Variants in LIG4 observed in about 807,000 individuals in gnomAD.
LIG4 encodes the protein DNA ligase 4.
In LIG4, 13 loss-of-function variants were observed where a neutral mutation model predicts 19.0. The observed-to-expected ratio is 0.68, with a 90% CI of 0.44 to 1.09. The LOEUF is 1.09. LIG4 is among the 50% of genes least tolerant of loss of function. The probability of loss-of-function intolerance (pLI) is 0.00; values close to 1 mark genes in which losing one functional copy is unlikely to be tolerated. For synonymous variants in LIG4, 361 were observed against 358.2 expected (o/e 1.01, Z -0.09); for missense variants, 1,026 against 1,089.7 (o/e 0.94, Z 0.82).
chr13:108,208,579 G>A lies in LIG4; in HGVS notation c.2690C>T (p.Ser897Leu), dbSNP rs750080610. The change falls in exon 3 of 3, where the codon TCA becomes TTA. Residue 897 changes from serine to leucine, a missense_variant. Ser to Leu is a moderately radical substitution (Grantham distance 145). Transcript: ENST00000442234. ...TTCTTGTAATTCACACTTGTCTATT[G>A]AATCAGTTACCCAACTTTCTTTTAG... Reference protein sequence around the residue: ...KILKESWVTDSIDKCELQEEN... With the variant: ...KILKESWVTDLIDKCELQEEN... 1 of 1,612,754 alleles carries A rather than the reference G, an allele frequency of 6.2e-7. No individual in the cohort carries two copies. The highest frequency in any genetic ancestry group is 8.5e-7 in the Non-Finnish European group (1 of 1,179,078).
Position 108,208,697 on chromosome 13 carries a change from C to T in LIG4, c.2572G>A (p.Glu858Lys). Reference protein sequence around the residue: ...HGAKVVSCLAEGVSHVIIGED... With the variant: ...HGAKVVSCLAKGVSHVIIGED... ...CCAATTATTACATGAGACACTCCCT[C>T]AGCTAAACAAGAAACTACTTTTGCT... Residue 858 changes from glutamate to lysine, a missense_variant, in exon 3 of 3, where the codon GAG becomes AAG. Around this residue, in one of 3 missense-constraint regions of LIG4, gnomAD observed 521 missense variants for 515.5 expected, o/e 1.01. Coordinates refer to ENST00000442234, the MANE Select transcript of LIG4 (RefSeq NM_206937.2). 1 of 1,614,182 alleles carries T rather than the reference C, an allele frequency of 6.2e-7. No individual in the cohort carries two copies. The highest frequency in any genetic ancestry group is 8.5e-7 in the Non-Finnish European group (1 of 1,180,020).
chr13:108,210,750 T>C lies in LIG4; in HGVS notation c.519A>G (p.Gln173=), dbSNP rs1878565464. 4 of 1,613,964 alleles carry C rather than the reference T, an allele frequency of 2.5e-6. No homozygotes were observed. The highest frequency in any genetic ancestry group is 3.4e-6 in the Non-Finnish European group (4 of 1,179,986). The change falls in exon 3 of 3, where the codon CAA becomes CAG. Residue 173 remains glutamine, a synonymous_variant. Transcript: ENST00000442234. ...RKDLIKKSLL[Q]LITQSSALEQ... is the part of the protein sequence containing the mutation. ...CAAGTGCTGAACTCTGAGTTATAAGTTGAAGAAGGCTCTTTTTTATTAGGT... is the reference window on the plus strand; with the variant it reads ...CAAGTGCTGAACTCTGAGTTATAAGCTGAAGAAGGCTCTTTTTTATTAGGT...
Position 108,208,507 on chromosome 13 carries a change from G to T in LIG4, c.*26C>A. On this transcript the variant is annotated 3_prime_UTR_variant, in exon 3 of 3. Coordinates refer to ENST00000442234, the MANE Select transcript of LIG4 (RefSeq NM_206937.2). ...GCTGCAATGAGTCTGCCAGATCAGA[G>T]GCTTTCCTCACTAGGAAACCTAGCT... 1 of 1,448,976 alleles carries T rather than the reference G, an allele frequency of 6.9e-7. No individual in the cohort carries two copies. Among genetic ancestry groups the T allele is most frequent in the Non-Finnish European group, 9.7e-7 (1 of 1,032,530 alleles). 89.8% of individuals were successfully genotyped at this position (1,448,976 alleles called of 1,614,324 possible).
chr13:108,209,926 A>C lies in LIG4; in HGVS notation c.1343T>G (p.Leu448Ter). Residue 448 changes from leucine (L) to a stop codon, truncating the protein, a stop_gained, in exon 3 of 3, where the codon TTA becomes TGA. Coordinates refer to ENST00000442234, the MANE Select transcript of LIG4 (RefSeq NM_206937.2). LOFTEE classifies it low-confidence loss of function (END_TRUNC). ...YKPDKRGEGW[L>*]KIKPEYVSGL... ...ACTGACATACTCTGGTTTAATTTTT[A>C]ACCACCCTTCACCTCTTTTGTCTGG... 1.9e-6 allele frequency: 3 copies of C among 1,614,114 alleles called. No individual in the cohort carries two copies. The highest frequency in any genetic ancestry group is 2.5e-6 in the Non-Finnish European group (3 of 1,180,016).
chr13:108,209,767 T>C lies in LIG4; in HGVS notation c.1502A>G (p.His501Arg), dbSNP rs370368065. 5 of 1,614,000 alleles carry C rather than the reference T, an allele frequency of 3.1e-6. No individual in the cohort carries two copies. Among genetic ancestry groups the C allele is most frequent in the Non-Finnish European group, 4.2e-6 (5 of 1,180,028 alleles). Residue 501 changes from histidine (H) to arginine (R), a missense_variant, in exon 3 of 3, where the codon CAT (histidine) becomes CGT (arginine). Transcript: ENST00000442234. ...PPPGEKPSVF[H>R]TLSRVGSGCT... ...GCCAGACCCAACACGAGAGAGAGTATGAAACACAGATGGCTTCTCACCAGG... is the reference window on the plus strand; with the variant it reads ...GCCAGACCCAACACGAGAGAGAGTACGAAACACAGATGGCTTCTCACCAGG...
chr13:108,214,495 C>G (rs769931997), intron 2 of LIG4, 43 bp downstream of exon 2: 5 of 152,134 alleles, frequency 3.3e-5, no homozygotes, highest in Non-Finnish European at 7.3e-5. Flanking sequence ...TCTGCCCGTT[C>G]CCCCTACTCT....
chr13:108,215,448 CAACCG>C (rs1879209695), intron 1 of LIG4, 31 bp downstream of exon 1: 1 of 55,120 alleles, frequency 1.8e-5, no homozygotes, highest in Admixed American at 1.6e-4. Flanking sequence ...CCCAACCTCC[CAACCG>C]CCCCCACCTG....
At position 108,209,680 on chromosome 13, in the gene LIG4, T is replaced by G. The variant is rs766018641; in HGVS notation, c.1589A>C (p.His530Pro). The change falls in exon 3 of 3, where the codon CAT (histidine) becomes CCT (proline). Residue 530 changes from histidine (H) to proline (P), a missense_variant. This residue lies in a region of LIG4 where 521 missense variants were observed against 515.5 expected (regional missense o/e 1.01). Transcript: ENST00000442234. ...AATGCTGCTTGGTGGAGCTTTTCTA[T>G]GAAAAGGCTTCCAATACTTGGCCAA... ...LKLAKYWKPF[H>P]RKAPPSSILC... is the part of the protein sequence containing the mutation. 2 of 1,614,058 alleles carry G rather than the reference T, an allele frequency of 1.2e-6. No homozygotes were observed. The highest frequency in any genetic ancestry group is 1.1e-5 in the South Asian group (1 of 91,088).
chr13:108,218,217 C>T (rs2139004417), upstream of LIG4: 1 of 152,420 alleles, frequency 6.6e-6, no homozygotes, highest in Non-Finnish European at 1.5e-5. Flanking sequence ...GGCACCTCTT[C>T]ACCACGGAGG....
At position 108,209,002 on chromosome 13, in the gene LIG4, C is replaced by T. The variant is rs147410837; in HGVS notation, c.2267G>A (p.Arg756His). ...ACTATCACCATAGCAATCATATTCA[C>T]GGGCAAAATGTTCTTTGGTTGATGG... is the stretch of plus-strand genomic sequence containing the variant. ...MCPSTKEHFAREYDCYGDSYF... is the reference protein window; with the variant it reads ...MCPSTKEHFAHEYDCYGDSYF... The change falls in exon 3 of 3, where the codon CGT becomes CAT. Residue 756 changes from arginine to histidine, a missense_variant. Physicochemically the swap from Arg to His is conservative, Grantham distance 29 (BLOSUM62 0). This residue lies in a region of LIG4 where 521 missense variants were observed against 515.5 expected (regional missense o/e 1.01). Coordinates refer to ENST00000442234, the MANE Select transcript of LIG4 (RefSeq NM_206937.2). 39 of 1,613,978 alleles carry T rather than the reference C, an allele frequency of 2.4e-5. No homozygotes were observed. The highest frequency in any genetic ancestry group is 1.6e-4 in the Middle Eastern group (1 of 6,084).
chr13:108,217,116 T>C (rs536239391), upstream of LIG4, among the ~76,000 whole-genome samples: 2 of 152,274 alleles, frequency 1.3e-5, no homozygotes, highest in South Asian at 2.1e-4. Context: ...CAGTGGCTAA[T>C]GCCTGTAATC....
rs763807705 is a variant in LIG4 at position 108,210,635 on chromosome 13, C to G, written c.634G>C (p.Ala212Pro). Residue 212 changes from alanine to proline, a missense_variant, in exon 3 of 3, where the codon GCT (alanine) becomes CCT (proline). Coordinates refer to ENST00000442234, the MANE Select transcript of LIG4 (RefSeq NM_206937.2). ...TIFSVFHNDA[A>P]ELHNVTTDLE... The stretch of plus-strand genomic sequence containing the variant: ...TCTGTAGTGACATTATGCAACTCAG[C>G]AGCATCATTATGAAAAACAGAAAAG... The G allele has an allele frequency of 3.7e-6, 6 of 1,613,660 alleles. No homozygotes were observed. The highest frequency in any genetic ancestry group is 5.1e-6 in the Non-Finnish European group (6 of 1,179,950).
chr13:108,213,156 T>C (rs1368232228), intron 2 of LIG4, among the ~76,000 whole-genome samples: 1 of 152,184 alleles, frequency 6.6e-6, no homozygotes, highest in Non-Finnish European at 1.5e-5. Flanking sequence ...TTGAATATAC[T>C]GTTGTTTCCT....
upstream of LIG4, among the ~76,000 whole-genome samples, chr13:108,217,198 G>A (rs1879345926): frequency 6.6e-6 from 1 of 152,026 alleles, no homozygotes; most frequent in Admixed American, 6.6e-5. Context: ...GGCCAACATG[G>A]TGAACCCCCG....
chr13:108,209,755 CGA>C lies in LIG4; in HGVS notation c.1512_1513del (p.Arg505CysfsTer12), dbSNP rs759838407. 1.2e-5 allele frequency: 20 copies of C among 1,613,978 alleles called. No homozygotes were observed. Among genetic ancestry groups the C allele is most frequent in the African/African-American group, 8.0e-5 (6 of 74,894 alleles). ...TTTCATGGTGCAGCCAGACCCAACA[CGA>C]GAGAGAGTATGAAACACAGATGGCT... On this transcript the variant is annotated frameshift_variant, in exon 3 of 3. Transcript: ENST00000442234. LOFTEE classifies it low-confidence loss of function (END_TRUNC).
rs1878112256 is a variant in LIG4 at position 108,208,115 on chromosome 13, A to G, written c.*418T>C. The G allele has an allele frequency of 6.4e-6, 1 of 155,544 alleles. No homozygotes were observed. The highest frequency in any genetic ancestry group is 1.9e-4 in the South Asian group (1 of 5,188). The allele number at this position is 155,544 out of a possible 1,614,324, so 9.6% of individuals were successfully genotyped here. Reference sequence around the variant, plus strand: ...TAACAATTCTACCCTATTTTCTTGCAGTGCTTTTATTAGATAAAAACTATT... The same window carrying G: ...TAACAATTCTACCCTATTTTCTTGCGGTGCTTTTATTAGATAAAAACTATT... On this transcript the variant is annotated 3_prime_UTR_variant, in exon 3 of 3. Coordinates refer to ENST00000442234, the MANE Select transcript of LIG4 (RefSeq NM_206937.2).
intron 2 of LIG4, among the ~76,000 whole-genome samples, chr13:108,212,008 T>C (rs1878711116): frequency 6.6e-6 from 1 of 152,134 alleles, no homozygotes; most frequent in African/African-American, 2.4e-5. Context: ...TTATCTATTT[T>C]ACCATAGTTA....
Position 108,209,743 on chromosome 13 carries a change from C to A in LIG4, c.1526G>T (p.Gly509Val). The change falls in exon 3 of 3, where the codon GGC (glycine) becomes GTC (valine). Residue 509 changes from glycine to valine, a missense_variant. Coordinates refer to ENST00000442234, the MANE Select transcript of LIG4 (RefSeq NM_206937.2). ...VFHTLSRVGS[G>V]CTMKELYDLG... Reference sequence around the variant, plus strand: ...ATCATACAGTTCTTTCATGGTGCAGCCAGACCCAACACGAGAGAGAGTATG... The same window carrying A: ...ATCATACAGTTCTTTCATGGTGCAGACAGACCCAACACGAGAGAGAGTATG... 6.2e-7 allele frequency: 1 copy of A among 1,613,972 alleles called. No homozygotes were observed. Among genetic ancestry groups the A allele is most frequent in the Middle Eastern group, 1.6e-4 (1 of 6,062 alleles).
chr13:108,217,501 C>G (rs1879368475), upstream of LIG4, among the ~76,000 whole-genome samples: 1 of 151,936 alleles, frequency 6.6e-6, no homozygotes, highest in Non-Finnish European at 1.5e-5. Flanking sequence ...GCCTGGGAAA[C>G]AAGAGCGAAA....
Sources: allele counts gnomAD v4.1 joint callset (sites outside exome capture counted in the v4.1 genomes callset), GRCh38; gene constraint gnomAD v4.1.1; regional missense constraint gnomAD v4.1.1; transcripts MANE v1.5; gene names NCBI Gene and HGNC (gene_info 2026-07-23, HGNC 2026-07-21).